The following AGBL4 variants were observed in gnomAD, a reference collection of about 807,000 sequenced individuals.
AGBL4 encodes AGBL carboxypeptidase 4, also known as cytosolic carboxypeptidase 6.
Under a neutral mutation model 66.4 loss-of-function variants are expected in AGBL4, and 58 were observed. The observed-to-expected ratio is 0.87, with a 90% CI of 0.71 to 1.09. The LOEUF is 1.09. Ranked by LOEUF, AGBL4 falls within the 50% of genes least tolerant of loss-of-function variation. AGBL4 has a pLI of 0.00. For missense variants in AGBL4, 579 were observed against 631.0 expected, an observed-to-expected ratio of 0.92 and a Z score of 0.88; for synonymous variants, 234 against 222.9, an observed-to-expected ratio of 1.05 and a Z score of -0.44.
At chr1:48,861,878 G>A (rs1647503794) in intron 6 of AGBL4, among the ~76,000 whole-genome samples, 3 of 152,164 alleles carry the variant, frequency 2.0e-5, no homozygotes, top group Admixed American at 2.0e-4. Context: ...TTGTAATGGT[G>A]TGCCCCCATT....
chr1:48,919,650 C>T (rs1306414603), intron 5 of AGBL4, among the ~76,000 whole-genome samples: 1 of 152,196 alleles, frequency 6.6e-6, no homozygotes, highest in Non-Finnish European at 1.5e-5. Context: ...GGTAACTCCT[C>T]ACTATGGGAG....
intron 1 of AGBL4, among the ~76,000 whole-genome samples, chr1:50,016,062 C>T (rs533628988): frequency 2.0e-5 from 3 of 152,180 alleles, no homozygotes; most frequent in African/African-American, 7.2e-5. Context: ...TGCACATAGG[C>T]CCTGGCAAAG....
intron 6 of AGBL4, among the ~76,000 whole-genome samples, chr1:48,766,311 G>C (rs79664571): frequency 4.1e-4 from 63 of 152,296 alleles, no homozygotes; most frequent in African/African-American, 1.5e-3. Context: ...ATGTGCTATA[G>C]ATCTATGTGC....
At chr1:48,874,809 A>G (rs532245248) in intron 5 of AGBL4, among the ~76,000 whole-genome samples, 42 of 152,156 alleles carry the variant, frequency 2.8e-4, no homozygotes, top group African/African-American at 8.9e-4. Flanking sequence ...TTTGGGAAAC[A>G]CTATCTCAAG....
intron 1 of AGBL4, among the ~76,000 whole-genome samples, chr1:49,961,036 T>C (rs991312877): frequency 6.6e-6 from 1 of 152,072 alleles, no homozygotes; most frequent in African/African-American, 2.4e-5. Flanking sequence ...GTGCCTTCTG[T>C]GCCATGCTGA....
chr1:49,601,221 T>C (rs1236545812), intron 3 of AGBL4, among the ~76,000 whole-genome samples: 1 of 152,152 alleles, frequency 6.6e-6, no homozygotes, highest in Non-Finnish European at 1.5e-5. Flanking sequence ...TTTAAGAGTA[T>C]TTTCGAACTT....
intron 3 of AGBL4, among the ~76,000 whole-genome samples, chr1:49,289,378 C>T (rs1285553630): frequency 6.6e-6 from 1 of 152,018 alleles, no homozygotes; most frequent in Non-Finnish European, 1.5e-5. Flanking sequence ...AAATATGGAG[C>T]ACCAGAAACC....
rs1300307727 is a variant in AGBL4 at position 48,893,617 on chromosome 1, G to A, written c.595-26387C>T. Among the ~76,000 whole-genome samples, 7 of 151,994 alleles carry A rather than the reference G, an allele frequency of 4.6e-5. No homozygotes were observed. In the East Asian group the frequency reaches 5.8e-4, roughly 13 times the overall value. On this transcript the variant is annotated intron_variant, in intron 5 of 13. Transcript: ENST00000371839. The stretch of plus-strand genomic sequence containing the variant: ...GGAGAATGGTGTGGACCTGAGAGGC[G>A]GAGCTTGCAGTGAGCCGAGATGGCG...
At chr1:49,156,171 C>A (rs933122749) in intron 4 of AGBL4, among the ~76,000 whole-genome samples, 3 of 152,156 alleles carry the variant, frequency 2.0e-5, no homozygotes, top group Non-Finnish European at 4.4e-5. Context: ...CTCAACACAT[C>A]ACGGTAACAG....
intron 5 of AGBL4, among the ~76,000 whole-genome samples, chr1:48,935,011 A>C (rs1655334932): frequency 6.6e-6 from 1 of 152,200 alleles, no homozygotes; most frequent in African/African-American, 2.4e-5. Context: ...CATTCAACAA[A>C]GATATTGAAA....
At chr1:49,234,995 T>C (rs1273063848) in intron 4 of AGBL4, among the ~76,000 whole-genome samples, 1 of 152,210 alleles carries the variant, frequency 6.6e-6, no homozygotes, top group Non-Finnish European at 1.5e-5. Flanking sequence ...AATATCATGA[T>C]CCAAAATCAT....
chr1:48,805,968 T>C (rs1460981231), intron 6 of AGBL4, among the ~76,000 whole-genome samples: 2 of 152,316 alleles, frequency 1.3e-5, no homozygotes, highest in East Asian at 1.9e-4. Flanking sequence ...GAATAAGTAA[T>C]CTAATATATA....
chr1:49,759,349 T>C (rs1419114460), intron 2 of AGBL4, among the ~76,000 whole-genome samples: 1 of 152,128 alleles, frequency 6.6e-6, no homozygotes, highest in Admixed American at 6.5e-5. Flanking sequence ...AGAGACATTC[T>C]AAAATATACC....
chr1:49,259,224 G>A (rs892466008), intron 3 of AGBL4, among the ~76,000 whole-genome samples: 19 of 151,906 alleles, frequency 1.3e-4, no homozygotes, highest in Admixed American at 4.6e-4. Context: ...AAAGACCATC[G>A]AGACTAGGAA....
Position 49,267,047 on chromosome 1 carries a change from G to C in AGBL4, c.283-21183C>G, listed in dbSNP as rs1643937896. 2.0e-5 allele frequency among the ~76,000 whole-genome samples: 3 copies of C among 152,288 alleles called. No homozygotes were observed. In the South Asian group the frequency reaches 6.2e-4, roughly 32 times the overall value. Reference sequence around the variant, plus strand: ...ATGGAGAAAACAAGCAAGTAAACAAGTTATTGCAAACCCAGTGTCATTAAT... The same window carrying C: ...ATGGAGAAAACAAGCAAGTAAACAACTTATTGCAAACCCAGTGTCATTAAT... On this transcript the variant is annotated intron_variant, in intron 3 of 13. Coordinates refer to ENST00000371839, the MANE Select transcript of AGBL4 (RefSeq NM_032785.4).
At chr1:48,616,685 C>T (rs750256863) in intron 9 of AGBL4, among the ~76,000 whole-genome samples, 17 of 152,316 alleles carry the variant, frequency 1.1e-4, no homozygotes, top group Non-Finnish European at 2.1e-4. Context: ...GGTCTGGGTG[C>T]TCTGTCCCTA....
chr1:48,696,301 C>A (rs182623446), intron 6 of AGBL4, among the ~76,000 whole-genome samples: 1 of 152,144 alleles, frequency 6.6e-6, no homozygotes, highest in South Asian at 2.1e-4. Flanking sequence ...AGCACTATTA[C>A]ACTTGTCACT....
chr1:49,789,575 C>T (rs571809675), intron 2 of AGBL4, among the ~76,000 whole-genome samples: 1 of 152,194 alleles, frequency 6.6e-6, no homozygotes, highest in Admixed American at 6.5e-5. Context: ...GAGTGAACTC[C>T]CATTCATGAT....
intron 6 of AGBL4, among the ~76,000 whole-genome samples, chr1:48,741,710 A>C (rs1312226938): frequency 2.0e-5 from 3 of 152,236 alleles, no homozygotes. Context: ...AACCTAACAG[A>C]GAATGATACT....
Sources: gnomAD v4.1 joint callset for allele counts (sites outside exome capture counted in the v4.1 genomes callset) on GRCh38, gnomAD v4.1.1 for gene constraint, MANE v1.5 for transcripts, NCBI Gene and HGNC (gene_info 2026-07-23, HGNC 2026-07-21) for gene names.